DLG1: variants seen among roughly 807,000 people sequenced by gnomAD.
DLG1 encodes disks large homolog 1.
DLG1 carries 42 observed loss-of-function variants against 123.4 expected under a neutral mutation model. That is an observed-to-expected ratio of 0.34 (90% CI 0.27 to 0.44). DLG1 has a LOEUF of 0.44. Ranked by LOEUF, DLG1 falls within the 20% of genes least tolerant of loss-of-function variation. DLG1 has a pLI of 1.00. For synonymous variants in DLG1, 317 were observed against 356.2 expected, an observed-to-expected ratio of 0.89 and a Z score of 1.24; for missense variants, 942 against 1,082.6, an observed-to-expected ratio of 0.87 and a Z score of 1.82.
chr3:197,115,086 C>T (rs546027088), intron 13 of DLG1, among the ~76,000 whole-genome samples: 39 of 150,578 alleles, frequency 2.6e-4, no homozygotes, highest in African/African-American at 9.5e-4. Context: ...TAGTGGTCCA[C>T]TGAGAAACAC....
rs533784486 is a variant in DLG1, at chr3:197,093,182, C to T, written c.1547-2156G>A. 5.3e-5 allele frequency among the ~76,000 whole-genome samples: 8 copies of T among 150,816 alleles called. No homozygotes were observed. In the South Asian group the frequency reaches 1.3e-3, roughly 24 times the overall value. ...TTTCTTTTCTTTTTGTTTTTTCAGACGGAGTTTCACTCTGTCACCAGGCTG... is the reference window on the plus strand; with the variant it reads ...TTTCTTTTCTTTTTGTTTTTTCAGATGGAGTTTCACTCTGTCACCAGGCTG... On this transcript the variant is annotated intron_variant, in intron 14 of 24. Transcript: ENST00000667157.
chr3:197,253,180 C>T (rs1035104316), intron 4 of DLG1, among the ~76,000 whole-genome samples: 1 of 152,120 alleles, frequency 6.6e-6, no homozygotes, highest in Non-Finnish European at 1.5e-5. Context: ...TGACTAAGGA[C>T]TAGTACACTA....
chr3:197,065,645 C>T (rs987564728), intron 21 of DLG1, 63 bp downstream of exon 21: 11 of 1,253,516 alleles, frequency 8.8e-6, no homozygotes, highest in East Asian at 4.6e-5. Flanking sequence ...ATCTATTTTT[C>T]CCACACACAG....
At chr3:197,275,400 C>T (rs564939501) in intron 4 of DLG1, among the ~76,000 whole-genome samples, 1 of 152,158 alleles carries the variant, frequency 6.6e-6, no homozygotes, top group South Asian at 2.1e-4. Context: ...GAGGTATACA[C>T]CCAAAAGAAA....
chr3:197,285,764 C>T (rs1480815993), intron 3 of DLG1, among the ~76,000 whole-genome samples: 1 of 152,198 alleles, frequency 6.6e-6, no homozygotes, highest in East Asian at 1.9e-4. Flanking sequence ...CAGGGCAACA[C>T]ATTGCTGACA....
intron 8 of DLG1, 32 bp downstream of exon 8, chr3:197,140,108 T>C (rs1787240491): frequency 1.2e-6 from 2 of 1,600,424 alleles, no homozygotes; most frequent in African/African-American, 2.7e-5. Context: ...ACAAAGTGGA[T>C]TCAGCATCAC....
chr3:197,136,311 TCAA>T (rs781269605), intron 10 of DLG1: 45 of 454,192 alleles, frequency 9.9e-5, no homozygotes, highest in Admixed American at 2.8e-4. Context: ...ATACAAGCCC[TCAA>T]CAACAACAAA....
At position 197,085,632 on chromosome 3, in the gene DLG1, C is replaced by A. The variant is rs756257501; in HGVS notation, c.1786G>T (p.Val596Phe). Residue 596 changes from valine (V) to phenylalanine (F), a missense_variant, in exon 16 of 25, where the codon GTT becomes TTT. By Grantham distance (50) the Val-to-Phe change is conservative (BLOSUM62 -1). Coordinates refer to ENST00000667157, the MANE Select transcript of DLG1 (RefSeq NM_001366207.1). ...TCATCGCTCTCACCATCTGGTGTAA[C>A]CTGCCTGGCTTGCCACCATTCATCA... Reference protein sequence around the residue: ...SDDEWWQARQVTPDGESDEVG... With the variant: ...SDDEWWQARQFTPDGESDEVG... The A allele has an allele frequency of 3.1e-6, 5 of 1,614,008 alleles. No individual in the cohort carries two copies. Among genetic ancestry groups the A allele is most frequent in the East Asian group, 4.5e-5 (2 of 44,872 alleles).
intron 5 of DLG1, among the ~76,000 whole-genome samples, chr3:197,172,743 T>G (rs564172617): frequency 2.1e-3 from 321 of 152,362 alleles, no homozygotes; most frequent in African/African-American, 7.5e-3. Context: ...CAAGATGTTT[T>G]ACAGTTTGAT....
intron 4 of DLG1, among the ~76,000 whole-genome samples, chr3:197,202,006 G>A (rs916198714): frequency 2.0e-5 from 3 of 152,026 alleles, no homozygotes; most frequent in African/African-American, 7.2e-5. Context: ...GTGGAGGGGT[G>A]GGAGGGGTGG....
intron 16 of DLG1, among the ~76,000 whole-genome samples, chr3:197,084,313 GTTGTT>G (rs1028042052): frequency 8.1e-6 from 1 of 123,712 alleles, no homozygotes; most frequent in Non-Finnish European, 1.8e-5. Context: ...ATCACTTTTT[GTTGTT>G]TTTTTTTTTT....
intron 4 of DLG1, among the ~76,000 whole-genome samples, chr3:197,253,357 A>T (rs1306165492): frequency 6.6e-6 from 1 of 152,234 alleles, no homozygotes; most frequent in African/African-American, 2.4e-5. Context: ...AAATGTGGCT[A>T]CACATCGATG....
intron 4 of DLG1, among the ~76,000 whole-genome samples, chr3:197,206,918 T>C (rs1728827794): frequency 6.6e-6 from 1 of 152,210 alleles, no homozygotes. Context: ...AATGAATATA[T>C]AGATATCGAT....
rs542078720 is a variant in DLG1, at chr3:197,281,897, A to G, written c.318+782T>C. On this transcript the variant is annotated intron_variant, in intron 4 of 24. Coordinates refer to ENST00000667157, the MANE Select transcript of DLG1 (RefSeq NM_001366207.1). ...TGAGAAGCCATCTAACTTCTTTACC[A>G]AAGTGCTATCTGGTTGAGGCCTACC... Among the ~76,000 whole-genome samples the G allele has an allele frequency of 2.6e-5, 4 of 152,348 alleles. No homozygotes were observed. The East Asian group carries it at 7.7e-4, about 29-fold the overall frequency.
chr3:197,133,195 AGATT>A (rs1783519046), intron 10 of DLG1, among the ~76,000 whole-genome samples: 1 of 152,232 alleles, frequency 6.6e-6, no homozygotes, highest in South Asian at 2.1e-4. Flanking sequence ...AGGAAAGAGA[AGATT>A]GATAAAAACA....
At chr3:197,225,255 G>A (rs537769197) in intron 4 of DLG1, among the ~76,000 whole-genome samples, 3 of 152,202 alleles carry the variant, frequency 2.0e-5, no homozygotes, top group African/African-American at 4.8e-5. Context: ...AAATGCACCC[G>A]CTCTTTGTTC....
At chr3:197,181,345 A>C (rs984361593) in intron 5 of DLG1, among the ~76,000 whole-genome samples, 14 of 152,218 alleles carry the variant, frequency 9.2e-5, no homozygotes, top group African/African-American at 2.9e-4. Context: ...TATTTTTGAC[A>C]TCAGTGAAAT....
chr3:197,161,697 C>G (rs1798833852), intron 5 of DLG1: 1 of 1,578,188 alleles, frequency 6.3e-7, no homozygotes, highest in Non-Finnish European at 8.6e-7. Flanking sequence ...GGACAGGGAT[C>G]ACAGGGACAG....
At chr3:197,044,757 T>A in intron 24 of DLG1, 28 bp from the exon 25 acceptor site, 1 of 1,372,038 alleles carries the variant, frequency 7.3e-7, no homozygotes, top group Non-Finnish European at 1.0e-6. Flanking sequence ...AAATCAGAAA[T>A]CTCCATTAAT....
Sources: gnomAD v4.1 joint callset for allele counts (sites outside exome capture counted in the v4.1 genomes callset) on GRCh38, gnomAD v4.1.1 for gene constraint, MANE v1.5 for transcripts, NCBI Gene and HGNC (gene_info 2026-07-23, HGNC 2026-07-21) for gene names.